Variants in ADAM10 observed in about 807,000 individuals in gnomAD.
ADAM10 encodes the protein ADAM metallopeptidase domain 10, also known as disintegrin and metalloproteinase domain-containing protein 10.
A neutral mutation model predicts 90.1 loss-of-function variants in ADAM10; 17 were observed. That is an observed-to-expected ratio of 0.19 (90% confidence interval 0.13 to 0.28). The LOEUF (loss-of-function observed/expected upper bound fraction) is 0.28, where lower values mean the gene tolerates loss of function less well. Among genes scored for constraint, ADAM10 ranks in the 10% least tolerant of loss-of-function variants. The pLI is 1.00. For missense variants in ADAM10, 610 were observed against 914.3 expected, an observed-to-expected ratio of 0.67 and a Z score of 4.29; for synonymous variants, 310 against 298.6, an observed-to-expected ratio of 1.04 and a Z score of -0.40.
In ADAM10 at chr15:58,669,064, T is replaced by C. The variant is rs114820487; in HGVS notation, c.485-3867A>G. Reference sequence around the variant, plus strand: ...TAAATCTCCTAATCATATGTCAATGTTATTTTTAACTGCATTAATTTATTA... The same window carrying C: ...TAAATCTCCTAATCATATGTCAATGCTATTTTTAACTGCATTAATTTATTA... On this transcript the variant is annotated intron_variant, in intron 4 of 15. Transcript: ENST00000260408. Among the ~76,000 whole-genome samples the C allele has an allele frequency of 9.0e-3, 1,366 of 152,342 alleles. 28 individuals carry two copies. The highest frequency in any genetic ancestry group is 0.031 in the African/African-American group (1,308 of 41,578).
intron 11 of ADAM10, among the ~76,000 whole-genome samples, chr15:58,612,829 C>A (rs1895485766): frequency 1.3e-5 from 2 of 152,162 alleles, no homozygotes; most frequent in Non-Finnish European, 2.9e-5. Flanking sequence ...TAGGGAGTAA[C>A]CCAGAGTCAC....
At chr15:58,645,599 TA>T (rs1185820788) in intron 6 of ADAM10, among the ~76,000 whole-genome samples, 11 of 152,176 alleles carry the variant, frequency 7.2e-5, no homozygotes, top group Non-Finnish European at 1.3e-4. Flanking sequence ...TCTCACTGGG[TA>T]CCTTCCACAC....
At position 58,593,148 on chromosome 15, in the gene ADAM10, AATTTTTTT is replaced by A; in HGVS notation, c.*4391_*4398del. The A allele has an allele frequency of 9.0e-6, 1 of 110,510 alleles. No individual in the cohort carries two copies. Among genetic ancestry groups the A allele is most frequent in the Non-Finnish European group, 1.9e-5 (1 of 51,794 alleles). The allele number at this position is 110,510 out of a possible 1,614,324, so 6.8% of individuals were successfully genotyped here. ...AAAAGTAACAAAGGCCAGGTACTCAAATTTTTTTTTTTTTTTTTTTTTTTTTTTTTTTT... is the reference window on the plus strand; with the variant it reads ...AAAAGTAACAAAGGCCAGGTACTCAATTTTTTTTTTTTTTTTTTTTTTTTT... On this transcript the variant is annotated 3_prime_UTR_variant, in exon 16 of 16. Transcript: ENST00000260408.
intron 1 of ADAM10, among the ~76,000 whole-genome samples, chr15:58,735,447 GAC>G (rs1899399413): frequency 6.6e-6 from 1 of 152,098 alleles, no homozygotes; most frequent in Admixed American, 6.5e-5. Context: ...TTGGTTCAAG[GAC>G]TTCCCACAGA....
In ADAM10 at chr15:58,706,208, G is replaced by A. The variant is rs72743093; in HGVS notation, c.206+11369C>T. 4.8e-3 allele frequency among the ~76,000 whole-genome samples: 736 copies of A among 152,290 alleles called. 6 individuals carry two copies. Among genetic ancestry groups the A allele is most frequent in the Non-Finnish European group, 8.2e-3 (560 of 68,026 alleles). ...CATAAAGCCCCAACTAATGAAGTAC[G>A]TTGCCAATACAGAGAGGAAATTTGA... On this transcript the variant is annotated intron_variant, in intron 2 of 15. Coordinates refer to ENST00000260408, the MANE Select transcript of ADAM10 (RefSeq NM_001110.4).
At chr15:58,690,499 AC>A (rs1351621460) in intron 2 of ADAM10, among the ~76,000 whole-genome samples, 2 of 152,342 alleles carry the variant, frequency 1.3e-5, no homozygotes, top group Non-Finnish European at 2.9e-5. Flanking sequence ...TATTTTACAT[AC>A]TTTCAGAACA....
intron 2 of ADAM10, 74 bp downstream of exon 2, chr15:58,717,503 G>C: frequency 1.3e-6 from 2 of 1,581,072 alleles, no homozygotes; most frequent in Non-Finnish European, 1.7e-6. Context: ...GGAAAATTAA[G>C]GATATAAATC....
chr15:58,642,027 G>A (rs536091337), intron 7 of ADAM10, among the ~76,000 whole-genome samples: 2 of 152,208 alleles, frequency 1.3e-5, no homozygotes, highest in South Asian at 2.1e-4. Flanking sequence ...AATCAGTTAC[G>A]GCCATTTAAC....
At chr15:58,624,644 T>C (rs1036498996) in intron 10 of ADAM10, among the ~76,000 whole-genome samples, 28 of 152,132 alleles carry the variant, frequency 1.8e-4, no homozygotes, top group Admixed American at 4.6e-4. Context: ...CAATTTCTTG[T>C]GCCTCAGCCT....
At chr15:58,701,014 C>CAAAAAAAAAAAAAA (rs1257060994) in intron 2 of ADAM10, among the ~76,000 whole-genome samples, 8 of 44,814 alleles carry the variant, frequency 1.8e-4, no homozygotes, top group Non-Finnish European at 3.7e-4. Context: ...TAAAAAAAAA[C>CAAAAAAAAAAAAAA]AAAAAAACAA....
intron 4 of ADAM10, among the ~76,000 whole-genome samples, chr15:58,665,991 C>T (rs1897075199): frequency 6.6e-6 from 1 of 151,826 alleles, no homozygotes; most frequent in South Asian, 2.1e-4. Flanking sequence ...CATAGTTACT[C>T]TTCTGAACTT....
At position 58,724,122 on chromosome 15, in the gene ADAM10, AG is replaced by A. The variant is rs1169991000; in HGVS notation, c.56-6396del. ...AACCCGGGAGGCAGAAGTTACAGTGAGCCGAAATCGTGCCATTGCACTCCAG... is the reference window on the plus strand; with the variant it reads ...AACCCGGGAGGCAGAAGTTACAGTGACCGAAATCGTGCCATTGCACTCCAG... On this transcript the variant is annotated intron_variant, in intron 1 of 15. Coordinates refer to ENST00000260408, the MANE Select transcript of ADAM10 (RefSeq NM_001110.4). Among the ~76,000 whole-genome samples, 47 of 152,028 alleles carry A rather than the reference AG, an allele frequency of 3.1e-4. 2 individuals are homozygous for A. The highest frequency in any genetic ancestry group is 9.6e-4 in the African/African-American group (40 of 41,470).
At chr15:58,662,644 G>A (rs1256276940) in intron 5 of ADAM10, among the ~76,000 whole-genome samples, 3 of 152,110 alleles carry the variant, frequency 2.0e-5, no homozygotes, top group Admixed American at 1.3e-4. Context: ...ACCACACCTG[G>A]CCCAAGTATT....
At chr15:58,640,203 G>C (rs1270607828) in intron 8 of ADAM10, among the ~76,000 whole-genome samples, 2 of 152,198 alleles carry the variant, frequency 1.3e-5, no homozygotes, top group Non-Finnish European at 2.9e-5. Context: ...TATGAACCCA[G>C]GTGATGATGT....
At chr15:58,682,886 G>A (rs1897477746) in intron 2 of ADAM10, among the ~76,000 whole-genome samples, 1 of 152,030 alleles carries the variant, frequency 6.6e-6, no homozygotes, top group African/African-American at 2.4e-5. Context: ...CCAGGATAAT[G>A]GCTGAAATCA....
At chr15:58,749,396 C>G in intron 1 of ADAM10, 84 bp downstream of exon 1, 1 of 1,302,478 alleles carries the variant, frequency 7.7e-7, no homozygotes, top group Non-Finnish European at 9.8e-7. Flanking sequence ...ACGCGCACGC[C>G]GCGAGGCGCG....
intron 2 of ADAM10, among the ~76,000 whole-genome samples, chr15:58,700,897 T>C (rs1166579999): frequency 6.6e-6 from 1 of 151,040 alleles, no homozygotes; most frequent in Non-Finnish European, 1.5e-5. Flanking sequence ...TCTAGTTACT[T>C]GGGAGGCTGA....
chr15:58,648,795 T>C (rs1478975127), intron 5 of ADAM10, among the ~76,000 whole-genome samples: 6 of 152,168 alleles, frequency 3.9e-5, no homozygotes, highest in Non-Finnish European at 8.8e-5. Context: ...TGCTATAACA[T>C]AATGGAGAAC....
At chr15:58,600,924 G>T (rs1895089834) in intron 14 of ADAM10, among the ~76,000 whole-genome samples, 1 of 151,872 alleles carries the variant, frequency 6.6e-6, no homozygotes, top group Non-Finnish European at 1.5e-5. Context: ...CAACAAACTG[G>T]GTACTACTTC....
Sources: gnomAD v4.1 joint callset for allele counts (sites outside exome capture counted in the v4.1 genomes callset) on GRCh38, gnomAD v4.1.1 for gene constraint, MANE v1.5 for transcripts, NCBI Gene and HGNC (gene_info 2026-07-23, HGNC 2026-07-21) for gene names.